The following NTM variants were observed in gnomAD, a reference collection of about 807,000 sequenced individuals.
NTM encodes the protein neurotrimin, also known as IgLON family member 2.
Under a neutral mutation model 42.1 loss-of-function variants are expected in NTM, and 13 were observed. That is an observed-to-expected ratio of 0.31 (90% CI 0.20 to 0.49). The LOEUF (loss-of-function observed/expected upper bound fraction) is 0.49. Ranked by LOEUF, NTM falls within the 20% of genes least tolerant of loss-of-function variation. The pLI is 0.99. For missense variants in NTM, 373 were observed against 452.8 expected, an observed-to-expected ratio of 0.82 and a Z score of 1.60; for synonymous variants, 187 against 179.2, an observed-to-expected ratio of 1.04 and a Z score of -0.35.
At chr11:131,503,906 G>A (rs1209748084) in intron 1 of NTM, among the ~76,000 whole-genome samples, 2 of 152,130 alleles carry the variant, frequency 1.3e-5, no homozygotes, top group Admixed American at 1.3e-4. Context: ...ACTGGGGTAG[G>A]AATTAACTCA....
At chr11:131,605,629 G>C (rs1222130699) in intron 1 of NTM, 1 of 178,346 alleles carries the variant, frequency 5.6e-6, no homozygotes, top group Non-Finnish European at 1.1e-5. Flanking sequence ...ATCTTACAGG[G>C]AACGTTTTAC....
At chr11:132,235,132 G>T (rs2088528630) in intron 4 of NTM, among the ~76,000 whole-genome samples, 1 of 152,214 alleles carries the variant, frequency 6.6e-6, no homozygotes, top group African/African-American at 2.4e-5. Context: ...CTGGAATGAA[G>T]CCCAGATTCT....
chr11:132,056,348 C>T (rs1343804569), intron 2 of NTM, among the ~76,000 whole-genome samples: 1 of 152,126 alleles, frequency 6.6e-6, no homozygotes, highest in Admixed American at 6.5e-5. Flanking sequence ...ATAGCAGCTC[C>T]ACTTGTATAC....
intron 4 of NTM, among the ~76,000 whole-genome samples, chr11:132,295,249 C>A (rs1159807153): frequency 2.6e-5 from 4 of 152,014 alleles, no homozygotes; most frequent in Non-Finnish European, 1.5e-5. Flanking sequence ...ATATGATTAA[C>A]AATTGATATG....
intron 1 of NTM, among the ~76,000 whole-genome samples, chr11:131,668,490 G>A (rs2739272): frequency 3.3e-5 from 5 of 152,062 alleles, no homozygotes; most frequent in Non-Finnish European, 5.9e-5. Context: ...GACAGCACCC[G>A]CGTGGCCACC....
At chr11:131,925,463 C>T (rs577084358) in intron 2 of NTM, among the ~76,000 whole-genome samples, 81 of 148,352 alleles carry the variant, frequency 5.5e-4, no homozygotes, top group African/African-American at 1.8e-3. Flanking sequence ...CAGCTCACTG[C>T]AGCCTCAACC....
chr11:132,017,244 T>G (rs2073582676), intron 2 of NTM, among the ~76,000 whole-genome samples: 1 of 152,046 alleles, frequency 6.6e-6, no homozygotes, highest in Admixed American at 6.6e-5. Context: ...TCTTCTACAT[T>G]TTCTCCTAGA....
chr11:132,267,841 CAAA>C lies in NTM; in HGVS notation c.527-39837_527-39835del, dbSNP rs61564878. ...TGGGTGACAGAGCAAGACTCCATCTCAAAAAAAAAAAAACAAAAAAAACCCAGA... is the reference window on the plus strand; with the variant it reads ...TGGGTGACAGAGCAAGACTCCATCTCAAAAAAAAAACAAAAAAAACCCAGA... On this transcript the variant is annotated intron_variant, in intron 4 of 8. Coordinates refer to ENST00000683400, the MANE Select transcript of NTM (RefSeq NM_001352005.2). 2.1e-4 allele frequency among the ~76,000 whole-genome samples: 29 copies of C among 137,200 alleles called. No homozygotes were observed. The East Asian group carries it at 5.2e-3, about 25-fold the overall frequency. The allele number at this position is 137,200 out of a possible 152,430, so 90.0% of individuals were successfully genotyped here.
intron 1 of NTM, among the ~76,000 whole-genome samples, chr11:131,507,861 C>G (rs34961235): frequency 0.18 from 26,693 of 151,338 alleles, 2,429 homozygotes; most frequent in Middle Eastern, 0.22. Context: ...CTCTGTTTGT[C>G]TGTTGTTGGT....
At chr11:132,043,890 A>G (rs2077529794) in intron 2 of NTM, among the ~76,000 whole-genome samples, 1 of 152,194 alleles carries the variant, frequency 6.6e-6, no homozygotes, top group Non-Finnish European at 1.5e-5. Context: ...TCCTGGTTAA[A>G]GAAGGCCCAA....
chr11:131,983,374 C>CTTTTTTTT (rs151133606), intron 2 of NTM, among the ~76,000 whole-genome samples: 2 of 122,416 alleles, frequency 1.6e-5, no homozygotes, highest in African/African-American at 6.2e-5. Flanking sequence ...AAAATTGTAT[C>CTTTTTTTT]TTTTTTTTTT....
At chr11:131,793,722 A>G (rs1373480962) in intron 1 of NTM, among the ~76,000 whole-genome samples, 1 of 152,116 alleles carries the variant, frequency 6.6e-6, no homozygotes, top group Non-Finnish European at 1.5e-5. Context: ...ATTATTTTCA[A>G]AAATGGGGAT....
chr11:131,994,211 CT>C (rs2067569370), intron 2 of NTM, among the ~76,000 whole-genome samples: 1 of 151,992 alleles, frequency 6.6e-6, no homozygotes, highest in Non-Finnish European at 1.5e-5. Flanking sequence ...CAGTTGTATT[CT>C]TTATTGTTAT....
Position 131,936,365 on chromosome 11 carries a change from T to C in NTM, c.167+24717T>C, listed in dbSNP as rs913542581. On this transcript the variant is annotated intron_variant, in intron 2 of 8. Transcript: ENST00000683400. ...TCCGTCCTAAATTTTGAGAGCCTTC[T>C]GTGGAAGTGCTGTTTTCTCCCATGC... Among the ~76,000 whole-genome samples the C allele has an allele frequency of 3.3e-5, 5 of 152,206 alleles. No individual in the cohort carries two copies. The South Asian group carries it at 6.2e-4, about 19-fold the overall frequency.
intron 1 of NTM, among the ~76,000 whole-genome samples, chr11:131,603,193 G>A (rs1252242087): frequency 1.3e-5 from 2 of 151,908 alleles, no homozygotes; most frequent in African/African-American, 2.4e-5. Flanking sequence ...CCACTAACTC[G>A]GTGCCATTTA....
At chr11:131,816,959 T>C (rs1053791710) in intron 1 of NTM, among the ~76,000 whole-genome samples, 1 of 152,208 alleles carries the variant, frequency 6.6e-6, no homozygotes, top group Non-Finnish European at 1.5e-5. Flanking sequence ...CCAAATATTT[T>C]ACTTAATCTT....
rs146575194 is a variant in NTM, at chr11:131,815,648, G to A, written c.83-95916G>A. Among the ~76,000 whole-genome samples the A allele has an allele frequency of 7.4e-3, 1,123 of 152,056 alleles. 14 individuals carry two copies. The highest frequency in any genetic ancestry group is 0.025 in the African/African-American group (1,038 of 41,462). ...CCACTTCCCCCCTCCTGCTGCCCGC[G>A]CCTCTCCCCCAGCCCCTCGGATCAG... On this transcript the variant is annotated intron_variant, in intron 1 of 8. Coordinates refer to ENST00000683400, the MANE Select transcript of NTM (RefSeq NM_001352005.2).
At chr11:131,910,301 T>C (rs1415964584) in intron 1 of NTM, among the ~76,000 whole-genome samples, 1 of 152,182 alleles carries the variant, frequency 6.6e-6, no homozygotes, top group Non-Finnish European at 1.5e-5. Flanking sequence ...GTTAATTAGT[T>C]TGTGACCCTT....
intron 1 of NTM, among the ~76,000 whole-genome samples, chr11:131,698,233 C>T (rs566272572): frequency 6.6e-6 from 1 of 152,288 alleles, no homozygotes; most frequent in South Asian, 2.1e-4. Context: ...GCCTTAGGTT[C>T]CTGCTATACC....
Sources: allele counts gnomAD v4.1 joint callset (sites outside exome capture counted in the v4.1 genomes callset), GRCh38; gene constraint gnomAD v4.1.1; transcripts MANE v1.5; gene names NCBI Gene and HGNC (gene_info 2026-07-23, HGNC 2026-07-21).